The following COL16A1 variants were observed in gnomAD, a reference collection of about 807,000 sequenced individuals.
The protein encoded by COL16A1 is collagen type XVI alpha 1 chain.
COL16A1 carries 189 observed loss-of-function variants against 266.3 expected under a neutral mutation model. The observed-to-expected ratio is 0.71, with a 90% CI of 0.63 to 0.80. The LOEUF (loss-of-function observed/expected upper bound fraction) is 0.80, where lower values mean the gene tolerates loss of function less well. COL16A1 is among the 30% of genes least tolerant of loss of function. The pLI is 0.00. For synonymous variants in COL16A1, 740 were observed against 782.3 expected (o/e 0.95, Z 0.90); for missense variants, 1,928 against 2,122.4 (o/e 0.91, Z 1.80).
At chr1:31,667,425 C>T in intron 52 of COL16A1, 150 bp downstream of exon 52, 1 of 653,042 alleles carries the variant, frequency 1.5e-6, no homozygotes, top group Non-Finnish European at 2.6e-6. Flanking sequence ...CCTCCACCTC[C>T]ACAGCACCCA....
In COL16A1 at chr1:31,692,004, C is replaced by T. The variant is rs763174531; in HGVS notation, c.1257+1G>A. The T allele has an allele frequency of 8.7e-6, 14 of 1,613,740 alleles. No individual in the cohort carries two copies. Among genetic ancestry groups the T allele is most frequent in the Admixed American group, 3.3e-5 (2 of 60,006 alleles). ...GGTGGGGAAGGGTCCCAGGCACCTA[C>T]GTCCCGGCCTGGCTTTCCCGGCACG... On this transcript the variant is annotated splice_donor_variant, in intron 17 of 70. Coordinates refer to ENST00000373672, the MANE Select transcript of COL16A1 (RefSeq NM_001856.4). LOFTEE classifies it high-confidence loss of function.
intron 66 of COL16A1, chr1:31,655,980 T>A: frequency 3.3e-6 from 1 of 302,046 alleles, no homozygotes; most frequent in East Asian, 1.1e-4. Context: ...CTGGGTTGGG[T>A]GCTCCTCCCT....
chr1:31,654,489 G>A (rs911539762), intron 68 of COL16A1, among the ~76,000 whole-genome samples: 2 of 152,058 alleles, frequency 1.3e-5, no homozygotes, highest in South Asian at 2.1e-4. Context: ...AGTGCCGCTC[G>A]CCCCTGTATT....
At chr1:31,672,983 G>T in intron 44 of COL16A1, 143 bp from the exon 45 acceptor site, 1 of 790,068 alleles carries the variant, frequency 1.3e-6, no homozygotes, top group Non-Finnish European at 2.1e-6. Flanking sequence ...CTCCCCAGCC[G>T]CATCCCTGCG....
chr1:31,695,895 G>C (rs1164174837), intron 9 of COL16A1, 108 bp from the exon 10 acceptor site: 3 of 1,074,608 alleles, frequency 2.8e-6, no homozygotes, highest in Non-Finnish European at 4.2e-6. Flanking sequence ...TCTAGAGAGT[G>C]CCAGGCACTG....
intron 44 of COL16A1, 111 bp from the exon 45 acceptor site, chr1:31,672,951 T>A: frequency 1.0e-6 from 1 of 989,018 alleles, no homozygotes; most frequent in South Asian, 1.4e-5. Flanking sequence ...CCTGCCGTCT[T>A]CCCTCCTCCC....
chr1:31,683,748 C>T lies in COL16A1; in HGVS notation c.2338G>A (p.Gly780Arg). Residue 780 changes from glycine to arginine, a missense_variant and splice_region_variant, in exon 34 of 71, where the codon GGA (glycine) becomes AGA (arginine). This residue lies in a region of COL16A1 where 1,552 missense variants were observed against 1,637.2 expected (regional missense o/e 0.95). Coordinates refer to ENST00000373672, the MANE Select transcript of COL16A1 (RefSeq NM_001856.4). ...CCCCTTCCTGGAGGCCCTGGCTCTCCCTGAAGAGGCAGAAGGACAGTCCCT... is the reference window on the plus strand; with the variant it reads ...CCCCTTCCTGGAGGCCCTGGCTCTCTCTGAAGAGGCAGAAGGACAGTCCCT... ...QGPPGLKGVQ[G>R]EPGPPGRGVQ... 1 of 1,614,128 alleles carries T rather than the reference C, an allele frequency of 6.2e-7. No homozygotes were observed. The highest frequency in any genetic ancestry group is 8.5e-7 in the Non-Finnish European group (1 of 1,180,002).
intron 20 of COL16A1, 90 bp downstream of exon 20, chr1:31,691,098 C>T (rs1344940988): frequency 1.3e-6 from 2 of 1,545,188 alleles, no homozygotes; most frequent in South Asian, 1.3e-5. Context: ...CTGGGACTTG[C>T]TTCCCCTGTG....
intron 42 of COL16A1, among the ~76,000 whole-genome samples, chr1:31,678,064 C>T (rs756694489): frequency 4.6e-5 from 7 of 152,036 alleles, no homozygotes; most frequent in Admixed American, 3.3e-4. Flanking sequence ...AAATATGTGG[C>T]GTGGGCTCTA....
intron 11 of COL16A1, among the ~76,000 whole-genome samples, chr1:31,694,466 G>A (rs1644407896): frequency 6.6e-6 from 1 of 152,200 alleles, no homozygotes; most frequent in Admixed American, 6.5e-5. Flanking sequence ...CTGCACATCT[G>A]GGGACCATCA....
intron 56 of COL16A1, 73 bp downstream of exon 56, chr1:31,665,099 C>G (rs1642013067): frequency 1.3e-6 from 2 of 1,568,556 alleles, no homozygotes; most frequent in Non-Finnish European, 1.7e-6. Flanking sequence ...AAGCCTGATG[C>G]TAGGGGTGGG....
intron 47 of COL16A1, 41 bp downstream of exon 47, chr1:31,672,375 C>T: frequency 6.2e-7 from 1 of 1,610,604 alleles, no homozygotes; most frequent in Non-Finnish European, 8.5e-7. Flanking sequence ...GCAGACAGGG[C>T]CCCAGCTCCC....
intron 17 of COL16A1, 86 bp downstream of exon 17, chr1:31,691,919 A>C: frequency 6.3e-7 from 1 of 1,588,992 alleles, no homozygotes; most frequent in Non-Finnish European, 8.6e-7. Flanking sequence ...GAGCAAGGGG[A>C]GGGGGCTGGA....
chr1:31,698,537 G>A lies in COL16A1; in HGVS notation c.336C>T (p.Thr112=). The A allele has an allele frequency of 6.2e-7, 1 of 1,614,124 alleles. No individual in the cohort carries two copies. The highest frequency in any genetic ancestry group is 8.5e-7 in the Non-Finnish European group (1 of 1,180,030). ...GAAACAGATACCACGTCTTCTGGTGGGTGTGTTTCTTCAGCAGTAGTGTCA... is the reference window on the plus strand; with the variant it reads ...GAAACAGATACCACGTCTTCTGGTGAGTGTGTTTCTTCAGCAGTAGTGTCA... The part of the protein sequence containing the change: ...LVLTLLLKKH[T]HQKTWYLFQV... The change falls in exon 5 of 71, where the codon ACC becomes ACT. Residue 112 remains threonine, a synonymous_variant. Coordinates refer to ENST00000373672, the MANE Select transcript of COL16A1 (RefSeq NM_001856.4). The surrounding 1 kb of genome is among the most constrained non-coding windows in gnomAD (Gnocchi z 4.1).
At chr1:31,669,839 AACG>A (rs1253528748) in intron 49 of COL16A1, 1 of 152,418 alleles carries the variant, frequency 6.6e-6, no homozygotes, top group Non-Finnish European at 1.5e-5. Flanking sequence ...CAGAGCAATT[AACG>A]ACACCTGGCA....
intron 17 of COL16A1, 24 bp from the exon 18 acceptor site, chr1:31,691,666 T>G: frequency 6.2e-7 from 1 of 1,609,894 alleles, no homozygotes; most frequent in East Asian, 2.2e-5. Context: ...AGGGGGAGGG[T>G]GTACAAACAG....
intron 13 of COL16A1, 134 bp from the exon 14 acceptor site, chr1:31,692,942 C>A (rs1644339693): frequency 1.0e-6 from 1 of 992,360 alleles, no homozygotes; most frequent in Admixed American, 2.0e-5. Context: ...CACCCAAACC[C>A]CTAGAAAGAC....
intron 56 of COL16A1, 81 bp downstream of exon 56, chr1:31,665,091 G>T (rs933556625): frequency 6.4e-6 from 10 of 1,559,976 alleles, no homozygotes; most frequent in Non-Finnish European, 7.8e-6. Context: ...TTTCCTGAAA[G>T]CCTGATGCTA....
intron 67 of COL16A1, 136 bp from the exon 68 acceptor site, chr1:31,654,994 T>G (rs1640984607): frequency 2.2e-6 from 3 of 1,380,476 alleles, no homozygotes; most frequent in Admixed American, 5.6e-5. Context: ...TTTTTTTTTT[T>G]TTTTTCTGAG....
Sources: allele counts gnomAD v4.1 joint callset (sites outside exome capture counted in the v4.1 genomes callset), GRCh38; gene constraint gnomAD v4.1.1; regional missense constraint gnomAD v4.1.1; non-coding constraint Gnocchi (gnomAD v3.1); transcripts MANE v1.5; gene names NCBI Gene and HGNC (gene_info 2026-07-23, HGNC 2026-07-21).